INPP4B: variants seen among roughly 807,000 people sequenced by gnomAD.
INPP4B encodes inositol polyphosphate-4-phosphatase type II B.
A neutral mutation model predicts 122.5 loss-of-function variants in INPP4B; 55 were observed. That is an observed-to-expected ratio of 0.45 (90% CI 0.36 to 0.56). The LOEUF is 0.56. Ranked by LOEUF, INPP4B falls within the 20% of genes least tolerant of loss-of-function variation. INPP4B has a pLI of 0.00. For missense variants in INPP4B, 1,000 were observed against 1,097.7 expected (o/e 0.91, Z 1.26); for synonymous variants, 403 against 388.7 (o/e 1.04, Z -0.43).
chr4:142,645,039 T>G (rs775148555), intron 2 of INPP4B, among the ~76,000 whole-genome samples: 1 of 152,036 alleles, frequency 6.6e-6, no homozygotes, highest in Non-Finnish European at 1.5e-5. Flanking sequence ...AAGATGTATC[T>G]AAAGCTTTGT....
intron 2 of INPP4B, among the ~76,000 whole-genome samples, chr4:142,483,145 A>C (rs985607403): frequency 6.7e-6 from 1 of 148,440 alleles, no homozygotes; most frequent in Non-Finnish European, 1.5e-5. Flanking sequence ...TGTCCATAAT[A>C]ATAGGAATGA....
chr4:142,641,763 A>T (rs568313869), intron 2 of INPP4B, among the ~76,000 whole-genome samples: 17 of 152,296 alleles, frequency 1.1e-4, no homozygotes, highest in Admixed American at 5.2e-4. Context: ...CATGATTTAT[A>T]GTCCTTTGGG....
At chr4:142,362,589 A>C (rs1234101564) in intron 7 of INPP4B, among the ~76,000 whole-genome samples, 1 of 152,000 alleles carries the variant, frequency 6.6e-6, no homozygotes, top group Non-Finnish European at 1.5e-5. Context: ...AGAAATGTGA[A>C]ACAGGAGAGA....
chr4:142,720,421 G>A (rs531875444), intron 2 of INPP4B, among the ~76,000 whole-genome samples: 1 of 151,976 alleles, frequency 6.6e-6, no homozygotes, highest in Non-Finnish European at 1.5e-5. Flanking sequence ...ACCCAGTGGG[G>A]TATGGTTCCA....
At chr4:142,649,027 T>G (rs908957877) in intron 2 of INPP4B, among the ~76,000 whole-genome samples, 1 of 152,210 alleles carries the variant, frequency 6.6e-6, no homozygotes, top group Non-Finnish European at 1.5e-5. Context: ...TTTTTGCTGT[T>G]CTGCAATAGT....
chr4:142,301,195 G>A (rs568835885), intron 9 of INPP4B, among the ~76,000 whole-genome samples: 34 of 152,216 alleles, frequency 2.2e-4, no homozygotes, highest in Non-Finnish European at 2.9e-4. Flanking sequence ...ACCCAGAAAT[G>A]AAGTCTTGGT....
chr4:142,421,634 G>A (rs1261030267), intron 5 of INPP4B, among the ~76,000 whole-genome samples: 3 of 152,170 alleles, frequency 2.0e-5, no homozygotes, highest in Admixed American at 6.5e-5. Context: ...AAATGTAAAT[G>A]AGCATTAAAT....
At chr4:142,060,527 A>T (rs538668270) in intron 25 of INPP4B, among the ~76,000 whole-genome samples, 190 of 152,340 alleles carry the variant, frequency 1.2e-3, no homozygotes, top group African/African-American at 4.4e-3. Context: ...ATGTAAATTT[A>T]TCAGCCTAGG....
chr4:142,173,854 A>C, intron 15 of INPP4B, 45 bp from the exon 16 acceptor site: 1 of 1,478,808 alleles, frequency 6.8e-7, no homozygotes, highest in Non-Finnish European at 9.4e-7. Flanking sequence ...CAGCATAATG[A>C]ATGTTCAGCC....
intron 2 of INPP4B, among the ~76,000 whole-genome samples, chr4:142,666,396 A>G (rs1756071086): frequency 6.6e-6 from 1 of 152,170 alleles, no homozygotes; most frequent in South Asian, 2.1e-4. Flanking sequence ...TTAGAGGTAA[A>G]TAAAAACAAA....
chr4:142,124,790 A>G lies in INPP4B; in HGVS notation c.1721-30T>C, dbSNP rs756680996. The G allele has an allele frequency of 2.8e-6, 4 of 1,440,232 alleles. No individual in the cohort carries two copies. In the Admixed American group the frequency reaches 9.8e-5, roughly 35 times the overall value. 89.2% of individuals were successfully genotyped at this position (1,440,232 alleles called of 1,614,324 possible). A position where few individuals can be genotyped will look rare whatever the true frequency, so the allele number is the denominator to read the frequency against. On this transcript the variant is annotated intron_variant, in intron 18 of 25. Coordinates refer to ENST00000262992, the MANE Select transcript of INPP4B (RefSeq NM_001101669.3). ...GGGAAGGGGGTGTAAGAACAGTGCA[A>G]TAGATGAAGGAAGGTCTTGGAATAT... is the stretch of plus-strand genomic sequence containing the variant.
At chr4:142,830,006 G>A (rs561141064) in intron 1 of INPP4B, among the ~76,000 whole-genome samples, 86 of 152,168 alleles carry the variant, frequency 5.7e-4, no homozygotes, top group South Asian at 1.2e-3. Flanking sequence ...TCTGGCACAG[G>A]ATGTAGAGGA....
intron 2 of INPP4B, among the ~76,000 whole-genome samples, chr4:142,707,929 A>G (rs1376269733): frequency 1.3e-5 from 2 of 152,320 alleles, no homozygotes; most frequent in Non-Finnish European, 2.9e-5. Context: ...TTGTTAAATT[A>G]TTGTGGCCAA....
At position 142,371,879 on chromosome 4, in the gene INPP4B, C is replaced by CAA. The variant is rs879842820; in HGVS notation, c.372+31057_372+31058dup. On this transcript the variant is annotated intron_variant, in intron 7 of 25. Transcript: ENST00000262992. ...TATGGAAAACGGCATGGAAGTCTCTCAAAAAAAAAAAAACTAAAAATAGAA... is the reference window on the plus strand; with the variant it reads ...TATGGAAAACGGCATGGAAGTCTCTCAAAAAAAAAAAAAAACTAAAAATAGAA... 3.4e-3 allele frequency among the ~76,000 whole-genome samples: 446 copies of CAA among 129,610 alleles called. 3 individuals are homozygous for CAA. Among genetic ancestry groups the CAA allele is most frequent in the African/African-American group, 0.012 (439 of 35,390 alleles). 85.0% of individuals were successfully genotyped at this position (129,610 alleles called of 152,430 possible).
At chr4:142,502,117 A>G (rs1172008223) in intron 2 of INPP4B, among the ~76,000 whole-genome samples, 1 of 152,178 alleles carries the variant, frequency 6.6e-6, no homozygotes, top group Non-Finnish European at 1.5e-5. Flanking sequence ...TAAAGATAAC[A>G]TCTTAATATA....
chr4:142,130,473 G>T (rs149751000), intron 18 of INPP4B, among the ~76,000 whole-genome samples: 8 of 152,136 alleles, frequency 5.3e-5, no homozygotes, highest in Non-Finnish European at 1.2e-4. Context: ...GAGGTCGATA[G>T]GGGTGGGGAT....
rs551525199 is a variant in INPP4B, at chr4:142,396,128, G to A, written c.372+6810C>T. Among the ~76,000 whole-genome samples the A allele has an allele frequency of 1.1e-4, 16 of 152,114 alleles. No homozygotes were observed. In the East Asian group the frequency reaches 2.5e-3, roughly 24 times the overall value. The stretch of plus-strand genomic sequence containing the variant: ...AAAATTGATAAACTGGACTTAATCA[G>A]AATTAAAAAATTTTGTCAACAAAAT... On this transcript the variant is annotated intron_variant, in intron 7 of 25. Coordinates refer to ENST00000262992, the MANE Select transcript of INPP4B (RefSeq NM_001101669.3).
Position 142,667,912 on chromosome 4 carries a change from T to C in INPP4B, c.-191+57927A>G, listed in dbSNP as rs140939266. 2.5e-3 allele frequency among the ~76,000 whole-genome samples: 387 copies of C among 152,278 alleles called. 3 individuals are homozygous for C. The highest frequency in any genetic ancestry group is 9.0e-3 in the African/African-American group (376 of 41,564). ...GAAGAGATTGAATTAGTAATAAAAATTCTGCCATCAAACAAAAGTCTGGGA... is the reference window on the plus strand; with the variant it reads ...GAAGAGATTGAATTAGTAATAAAAACTCTGCCATCAAACAAAAGTCTGGGA... On this transcript the variant is annotated intron_variant, in intron 2 of 25. Coordinates refer to ENST00000262992, the MANE Select transcript of INPP4B (RefSeq NM_001101669.3).
chr4:142,733,120 T>C (rs1766337222), intron 1 of INPP4B, among the ~76,000 whole-genome samples: 1 of 152,170 alleles, frequency 6.6e-6, no homozygotes, highest in African/African-American at 2.4e-5. Flanking sequence ...ACATATCAAT[T>C]TGTGGGGAAA....
Sources: allele counts gnomAD v4.1 joint callset (sites outside exome capture counted in the v4.1 genomes callset), GRCh38; gene constraint gnomAD v4.1.1; transcripts MANE v1.5; gene names NCBI Gene and HGNC (gene_info 2026-07-23, HGNC 2026-07-21).